The following PIGU variants were observed in gnomAD, a reference collection of about 807,000 sequenced individuals.
PIGU encodes GPI-anchor transamidase component PIGU.
PIGU carries 24 observed loss-of-function variants against 49.9 expected under a neutral mutation model. The observed-to-expected ratio is 0.48, with a 90% CI of 0.35 to 0.68. PIGU has a LOEUF of 0.68. Ranked by LOEUF, PIGU falls within the 30% of genes least tolerant of loss-of-function variation. PIGU has a pLI of 0.01. For synonymous variants in PIGU, 220 were observed against 205.7 expected (o/e 1.07, Z -0.59); for missense variants, 490 against 532.6 (o/e 0.92, Z 0.79).
chr20:34,565,575 G>C (rs897252675), intron 11 of PIGU, among the ~76,000 whole-genome samples: 1 of 152,000 alleles, frequency 6.6e-6, no homozygotes, highest in African/African-American at 2.4e-5. Flanking sequence ...TCTAGTCTTT[G>C]TGCCAGTTAG....
At position 34,560,921 on chromosome 20, in the gene PIGU, T is replaced by C. The variant is rs977196873; in HGVS notation, c.1253A>G (p.His418Arg). The C allele has an allele frequency of 1.2e-6, 2 of 1,613,118 alleles. No homozygotes were observed. The highest frequency in any genetic ancestry group is 1.7e-6 in the Non-Finnish European group (2 of 1,179,388). Residue 418 changes from histidine to arginine, a missense_variant, in exon 12 of 12, where the codon CAT becomes CGT. Coordinates refer to ENST00000217446, the MANE Select transcript of PIGU (RefSeq NM_080476.5). ...AFLRREYYLT[H>R]GLYLTAKDGT... ...ATCCTTGGCGGTCAAGTAGAGGCCATGTGTGAGGTAGTACTCCCGCCGCAG... is the reference window on the plus strand; with the variant it reads ...ATCCTTGGCGGTCAAGTAGAGGCCACGTGTGAGGTAGTACTCCCGCCGCAG...
intron 5 of PIGU, among the ~76,000 whole-genome samples, chr20:34,636,743 T>C (rs1417303001): frequency 6.6e-6 from 1 of 152,172 alleles, no homozygotes; most frequent in Non-Finnish European, 1.5e-5. Context: ...AACATGCCAG[T>C]GTCTCAGGAA....
intron 2 of PIGU, among the ~76,000 whole-genome samples, chr20:34,650,698 C>CTTTTTTTTTTTTTTTTTTTTTTT (rs1568658806): frequency 4.6e-5 from 2 of 43,950 alleles, no homozygotes; most frequent in Admixed American, 2.4e-4. Flanking sequence ...TTCTTTTTTT[C>CTTTTTTTTTTTTTTTTTTTTTTT]TCTTTTTTTT....
At chr20:34,585,394 G>T in intron 9 of PIGU, 43 bp downstream of exon 9, 1 of 1,593,024 alleles carries the variant, frequency 6.3e-7, no homozygotes, top group South Asian at 1.1e-5. Flanking sequence ...GGGGCTTCTC[G>T]GACAGCTCTG....
chr20:34,646,496 C>T (rs867084298), intron 2 of PIGU, among the ~76,000 whole-genome samples: 1 of 152,164 alleles, frequency 6.6e-6, no homozygotes, highest in Non-Finnish European at 1.5e-5. Context: ...GCAACCTCCG[C>T]CTCCTGGGTT....
intron 1 of PIGU, among the ~76,000 whole-genome samples, chr20:34,671,858 G>A (rs1164528505): frequency 6.6e-6 from 1 of 152,070 alleles, no homozygotes; most frequent in African/African-American, 2.4e-5. Flanking sequence ...GAGAGGCAGA[G>A]GTTTCAGTGA....
intron 5 of PIGU, among the ~76,000 whole-genome samples, chr20:34,635,289 C>T (rs2146761407): frequency 6.6e-6 from 1 of 152,342 alleles, no homozygotes; most frequent in South Asian, 2.1e-4. Flanking sequence ...AGAGTTAAAG[C>T]AGCTTAGATG....
intron 1 of PIGU, among the ~76,000 whole-genome samples, chr20:34,663,122 C>G (rs1156613289): frequency 6.6e-6 from 1 of 152,158 alleles, no homozygotes; most frequent in Non-Finnish European, 1.5e-5. Flanking sequence ...GCAGGCTGGT[C>G]TTGAACTCCT....
chr20:34,651,535 T>C (rs1451115169), intron 2 of PIGU, among the ~76,000 whole-genome samples: 2 of 152,172 alleles, frequency 1.3e-5, no homozygotes, highest in Non-Finnish European at 1.5e-5. Flanking sequence ...GTTTTTTTTT[T>C]CCTTTTTTCA....
intron 2 of PIGU, among the ~76,000 whole-genome samples, chr20:34,653,959 G>A (rs958626296): frequency 6.6e-6 from 1 of 151,506 alleles, no homozygotes; most frequent in Non-Finnish European, 1.5e-5. Context: ...CCGTGTTCAC[G>A]CCATTCTCCT....
At chr20:34,567,590 C>A (rs1403102438) in intron 11 of PIGU, among the ~76,000 whole-genome samples, 1 of 41,774 alleles carries the variant, frequency 2.4e-5, no homozygotes, top group Non-Finnish European at 5.1e-5. Context: ...CTCTGCTCTT[C>A]CCAGCAGTGA....
intron 7 of PIGU, among the ~76,000 whole-genome samples, chr20:34,602,282 AAAATG>A (rs1326963484): frequency 6.6e-6 from 1 of 151,862 alleles, no homozygotes; most frequent in Admixed American, 6.6e-5. Flanking sequence ...ACTCCATCAT[AAAATG>A]AAATGAAATA....
At position 34,677,071 on chromosome 20, in the gene PIGU, C is replaced by A. The variant is rs371637416; in HGVS notation, c.15G>T (p.Leu5Phe). 1.9e-5 allele frequency: 30 copies of A among 1,564,678 alleles called. No homozygotes were observed. The highest frequency in any genetic ancestry group is 1.7e-4 in the Middle Eastern group (1 of 5,936). MAAPLVLVLVVAVTV... is the reference protein window; with the variant it reads MAAPFVLVLVVAVTV... ...TCACAGCCACCACCAGCACCAGGAC[C>A]AAGGGAGCCGCCATGATAACTGGGG... Residue 5 changes from leucine to phenylalanine, a missense_variant, in exon 1 of 12, where the codon TTG becomes TTT. Leu to Phe is a conservative substitution (Grantham distance 22). Coordinates refer to ENST00000217446, the MANE Select transcript of PIGU (RefSeq NM_080476.5).
chr20:34,625,598 G>C (rs1985449522), intron 6 of PIGU, among the ~76,000 whole-genome samples: 1 of 151,292 alleles, frequency 6.6e-6, no homozygotes, highest in African/African-American at 2.4e-5. Flanking sequence ...TTGAGGCTTA[G>C]AGTTCAAGAC....
intron 1 of PIGU, among the ~76,000 whole-genome samples, chr20:34,662,204 T>C (rs1047884508): frequency 9.9e-5 from 15 of 151,960 alleles, no homozygotes; most frequent in Non-Finnish European, 1.9e-4. Flanking sequence ...TCTCGAGCAG[T>C]TGGGACTTCA....
chr20:34,612,861 G>A (rs202089046), intron 7 of PIGU, among the ~76,000 whole-genome samples: 1 of 151,778 alleles, frequency 6.6e-6, no homozygotes, highest in African/African-American at 2.4e-5. Flanking sequence ...GACCTCAAGT[G>A]GTCCACTTGC....
In PIGU at chr20:34,622,996, T is replaced by C. The variant is rs147274451; in HGVS notation, c.530-6857A>G. ...GCCTCAGCAAGACCGGGGGTAATAC[T>C]TTGCCTCCAGGGACTGCACCTCACA... On this transcript the variant is annotated intron_variant, in intron 6 of 11. Transcript: ENST00000217446. Among the ~76,000 whole-genome samples the C allele has an allele frequency of 6.4e-4, 97 of 152,248 alleles. 1 individual carries two copies. The highest frequency in any genetic ancestry group is 2.2e-3 in the African/African-American group (93 of 41,538).
At chr20:34,584,095 A>T (rs939941910) in intron 9 of PIGU, among the ~76,000 whole-genome samples, 5 of 152,184 alleles carry the variant, frequency 3.3e-5, no homozygotes, top group Non-Finnish European at 5.9e-5. Context: ...TAGATTCTGG[A>T]GCCAGACAAA....
intron 4 of PIGU, among the ~76,000 whole-genome samples, chr20:34,640,537 C>CACA (rs1555801709): frequency 0.032 from 1,123 of 35,352 alleles, 13 homozygotes; most frequent in Middle Eastern, 0.066. Flanking sequence ...ACACACACAC[C>CACA]CCTTAAGAAA....
Sources: gnomAD v4.1 joint callset for allele counts (sites outside exome capture counted in the v4.1 genomes callset) on GRCh38, gnomAD v4.1.1 for gene constraint, MANE v1.5 for transcripts, NCBI Gene and HGNC (gene_info 2026-07-23, HGNC 2026-07-21) for gene names.